Variants in PCNX1 observed in about 807,000 individuals in gnomAD.
PCNX1 encodes the protein pecanex-like protein 1.
PCNX1 carries 78 observed loss-of-function variants against 242.2 expected under a neutral mutation model. That is an observed-to-expected ratio of 0.32 (90% CI 0.27 to 0.39). The LOEUF (loss-of-function observed/expected upper bound fraction) is 0.39, where lower values mean the gene tolerates loss of function less well. Among genes scored for constraint, PCNX1 ranks in the 10% least tolerant of loss-of-function variants. The probability of loss-of-function intolerance (pLI) is 1.00; values close to 1 mark genes in which losing one functional copy is unlikely to be tolerated. For synonymous variants in PCNX1, 1,024 were observed against 1,032.9 expected (o/e 0.99, Z 0.17); for missense variants, 2,581 against 2,856.5 (o/e 0.90, Z 2.20).
chr14:70,939,230 T>A (rs954464165), intron 1 of PCNX1, among the ~76,000 whole-genome samples: 11 of 152,246 alleles, frequency 7.2e-5, no homozygotes, highest in African/African-American at 2.4e-4. Flanking sequence ...TGTTAGGGTG[T>A]CAATTTTAGA....
intron 24 of PCNX1, among the ~76,000 whole-genome samples, chr14:71,052,234 C>T (rs2061057011): frequency 6.7e-6 from 1 of 148,982 alleles, no homozygotes; most frequent in Non-Finnish European, 1.5e-5. Context: ...TTTTTTCATA[C>T]AGGGTCTCAT....
intron 30 of PCNX1, among the ~76,000 whole-genome samples, chr14:71,095,613 T>C (rs1334200585): frequency 1.3e-5 from 2 of 152,224 alleles, no homozygotes; most frequent in Non-Finnish European, 2.9e-5. Flanking sequence ...ACATACATTT[T>C]CATCTATGTG....
chr14:71,099,038 A>G (rs540708189), intron 30 of PCNX1, among the ~76,000 whole-genome samples: 142 of 152,326 alleles, frequency 9.3e-4, no homozygotes, highest in South Asian at 1.0e-3. Context: ...TCTTTACGCA[A>G]AAGTCATTCA....
At chr14:71,013,269 AC>A (rs2059872188) in intron 11 of PCNX1, 67 bp downstream of exon 11, 14 of 1,220,036 alleles carry the variant, frequency 1.1e-5, no homozygotes, top group Admixed American at 3.4e-5. Context: ...GTCTTTAATT[AC>A]CCACTGAGGT....
At chr14:71,009,259 A>G (rs1430017146) in intron 8 of PCNX1, among the ~76,000 whole-genome samples, 1 of 152,254 alleles carries the variant, frequency 6.6e-6, no homozygotes, top group Non-Finnish European at 1.5e-5. Flanking sequence ...TCCAAATTTA[A>G]GAAGCTTTGC....
chr14:71,053,274 T>C (rs1453895123), intron 24 of PCNX1: 1 of 453,086 alleles, frequency 2.2e-6, no homozygotes, highest in Non-Finnish European at 4.4e-6. Flanking sequence ...TTCTTTTCTT[T>C]TCTTTTTCTT....
chr14:70,930,972 T>G (rs2056775385), intron 1 of PCNX1, among the ~76,000 whole-genome samples: 1 of 152,156 alleles, frequency 6.6e-6, no homozygotes, highest in Admixed American at 6.5e-5. Context: ...TCTGAGTCCT[T>G]TGGGGGGCAG....
intron 26 of PCNX1, among the ~76,000 whole-genome samples, chr14:71,061,267 A>G (rs2061318942): frequency 6.6e-6 from 1 of 152,196 alleles, no homozygotes; most frequent in Non-Finnish European, 1.5e-5. Flanking sequence ...ATCACTAAGC[A>G]CACACTGCCA....
chr14:70,988,469 T>TCC, intron 6 of PCNX1, 98 bp from the exon 7 acceptor site: 2 of 1,253,074 alleles, frequency 1.6e-6, no homozygotes, highest in South Asian at 2.7e-5. Flanking sequence ...TAAGTTCACT[T>TCC]TACCCATGAG....
At chr14:71,071,748 C>CT (rs1232057149) in intron 26 of PCNX1, among the ~76,000 whole-genome samples, 1 of 152,214 alleles carries the variant, frequency 6.6e-6, no homozygotes, top group Non-Finnish European at 1.5e-5. Flanking sequence ...CAAGAATGGA[C>CT]TAATGCATTT....
chr14:70,949,461 T>TACGCATGTGTATATATATACACAC (rs1379526468), intron 2 of PCNX1, among the ~76,000 whole-genome samples: 8 of 151,928 alleles, frequency 5.3e-5, no homozygotes, highest in South Asian at 2.1e-4. Flanking sequence ...AATATACACA[T>TACGCATGTGTATATATATACACAC]ACGCATGTGT....
intron 23 of PCNX1, 41 bp from the exon 24 acceptor site, chr14:71,051,842 G>C: frequency 6.3e-7 from 1 of 1,599,974 alleles, no homozygotes; most frequent in Non-Finnish European, 8.5e-7. Flanking sequence ...TGGCATCTGT[G>C]CTCAGATGAA....
chr14:70,999,933 G>A (rs2059454143), intron 8 of PCNX1, among the ~76,000 whole-genome samples: 1 of 152,172 alleles, frequency 6.6e-6, no homozygotes, highest in Non-Finnish European at 1.5e-5. Flanking sequence ...CACAGAGTCA[G>A]AGGACTGTAA....
At chr14:71,022,807 A>T (rs1243822360) in intron 12 of PCNX1, among the ~76,000 whole-genome samples, 2 of 152,146 alleles carry the variant, frequency 1.3e-5, no homozygotes, top group Non-Finnish European at 2.9e-5. Context: ...GTGAACCCCT[A>T]TTATTGTATA....
intron 2 of PCNX1, among the ~76,000 whole-genome samples, chr14:70,959,363 A>T (rs2058118597): frequency 1.4e-5 from 2 of 140,492 alleles, no homozygotes; most frequent in Admixed American, 1.4e-4. Context: ...ATATCTTCTA[A>T]TGCTATCCCT....
intron 26 of PCNX1, among the ~76,000 whole-genome samples, chr14:71,066,643 G>A (rs1595420274): frequency 3.3e-5 from 5 of 152,186 alleles, no homozygotes; most frequent in Admixed American, 3.3e-4. Context: ...GTCCAATAGT[G>A]TGTTGAATAT....
chr14:70,980,154 T>A (rs1272489602), intron 6 of PCNX1, among the ~76,000 whole-genome samples: 1 of 152,112 alleles, frequency 6.6e-6, no homozygotes, highest in Non-Finnish European at 1.5e-5. Context: ...ATTGTGGAAA[T>A]GTAAATACTG....
At chr14:71,000,526 AT>A (rs3083305) in intron 8 of PCNX1, among the ~76,000 whole-genome samples, 7,485 of 126,644 alleles carry the variant, frequency 0.059, 209 homozygotes, top group East Asian at 0.25. Flanking sequence ...CTGTCCCTTG[AT>A]TTTTTTTTTT....
intron 2 of PCNX1, among the ~76,000 whole-genome samples, chr14:70,953,044 G>A (rs957628340): frequency 1.3e-5 from 2 of 152,166 alleles, no homozygotes; most frequent in Non-Finnish European, 2.9e-5. Flanking sequence ...GAGATGGGAG[G>A]ACAGCTTGAA....
Sources: gnomAD v4.1 joint callset for allele counts (sites outside exome capture counted in the v4.1 genomes callset) on GRCh38, gnomAD v4.1.1 for gene constraint, MANE v1.5 for transcripts, NCBI Gene and HGNC (gene_info 2026-07-23, HGNC 2026-07-21) for gene names.